Variants in SIPA1L2 observed in about 807,000 individuals in gnomAD.
The protein encoded by SIPA1L2 is signal induced proliferation associated 1 like 2, also known as signal-induced proliferation-associated 1-like protein 2.
Under a neutral mutation model 163.9 loss-of-function variants are expected in SIPA1L2, and 56 were observed. The observed-to-expected ratio is 0.34, with a 90% CI of 0.28 to 0.43. The LOEUF (loss-of-function observed/expected upper bound fraction) is 0.43. Ranked by LOEUF, SIPA1L2 falls within the 20% of genes least tolerant of loss-of-function variation. SIPA1L2 has a pLI of 1.00. For missense variants in SIPA1L2, 1,974 were observed against 2,193.5 expected, an observed-to-expected ratio of 0.90 and a Z score of 2.00; for synonymous variants, 877 against 865.7, an observed-to-expected ratio of 1.01 and a Z score of -0.23.
At chr1:232,484,416 A>G (rs1665541814) in intron 5 of SIPA1L2, among the ~76,000 whole-genome samples, 1 of 152,194 alleles carries the variant, frequency 6.6e-6, no homozygotes. Flanking sequence ...AATTTTATAT[A>G]TTTCTTGTAA....
At chr1:232,471,300 G>T in intron 8 of SIPA1L2, 71 bp downstream of exon 8, 2 of 1,483,760 alleles carry the variant, frequency 1.3e-6, no homozygotes, top group Non-Finnish European at 1.8e-6. Flanking sequence ...GGCAAACAAA[G>T]ATATTTTTGG....
intron 2 of SIPA1L2, among the ~76,000 whole-genome samples, chr1:232,540,599 A>G (rs1319573599): frequency 1.3e-5 from 2 of 152,124 alleles, no homozygotes; most frequent in Admixed American, 6.5e-5. Flanking sequence ...AATTTCCATA[A>G]GTGTTAGAGG....
rs773246161 is a variant in SIPA1L2 at position 232,514,903 on chromosome 1, A to G, written c.437T>C (p.Val146Ala). 5.0e-6 allele frequency: 8 copies of G among 1,614,014 alleles called. No individual in the cohort carries two copies. In the South Asian group the frequency reaches 7.7e-5, roughly 16 times the overall value. The change falls in exon 3 of 23, where the codon GTC (valine) becomes GCC (alanine). Residue 146 changes from valine to alanine, a missense_variant. Around this residue, in one of 3 missense-constraint regions of SIPA1L2, gnomAD observed 607 missense variants for 624.0 expected, o/e 0.97. Transcript: ENST00000674635. ...GTGAAGTCCTCTTTGGGGGGAATGGACAAAGATGTCTCCGATTGTGTACTT... is the reference window on the plus strand; with the variant it reads ...GTGAAGTCCTCTTTGGGGGGAATGGGCAAAGATGTCTCCGATTGTGTACTT... ...EAKYTIGDIF[V>A]HSPQRGLHPI...
intron 1 of SIPA1L2, among the ~76,000 whole-genome samples, chr1:232,613,293 G>T (rs976666677): frequency 6.6e-6 from 1 of 152,108 alleles, no homozygotes; most frequent in Admixed American, 6.5e-5. Context: ...TTTTTCAATG[G>T]ACTTCACAAT....
At chr1:232,467,875 T>C (rs76234026) in intron 8 of SIPA1L2, among the ~76,000 whole-genome samples, 44 of 152,338 alleles carry the variant, frequency 2.9e-4, no homozygotes, top group African/African-American at 1.0e-3. Context: ...TGGTGTCACA[T>C]AGTAAATAAG....
Position 232,464,821 on chromosome 1 carries a change from A to G in SIPA1L2, c.2820+19T>C, listed in dbSNP as rs774344570. On this transcript the variant is annotated intron_variant, in intron 9 of 22. Coordinates refer to ENST00000674635, the MANE Select transcript of SIPA1L2 (RefSeq NM_020808.5). ...TTGAAAACATAAGGATGGCGGGAAA[A>G]TAGAAAACATGTACTTACTACTAAT... 6.5e-7 allele frequency: 1 copy of G among 1,540,252 alleles called. No individual in the cohort carries two copies. Among genetic ancestry groups the G allele is most frequent in the Non-Finnish European group, 8.7e-7 (1 of 1,143,864 alleles).
At chr1:232,479,596 C>A in intron 7 of SIPA1L2, 31 bp downstream of exon 7, 1 of 1,564,124 alleles carries the variant, frequency 6.4e-7, no homozygotes, top group Non-Finnish European at 8.8e-7. Context: ...TCATACTCAG[C>A]GTAAAAAGCT....
At chr1:232,407,942 T>A (rs1273085323) in intron 19 of SIPA1L2, among the ~76,000 whole-genome samples, 1 of 152,160 alleles carries the variant, frequency 6.6e-6, no homozygotes, top group Non-Finnish European at 1.5e-5. Context: ...ATAGCCAGGT[T>A]TTCTGGTCGG....
At chr1:232,589,074 A>G (rs1660832055) in intron 1 of SIPA1L2, among the ~76,000 whole-genome samples, 3 of 152,244 alleles carry the variant, frequency 2.0e-5, no homozygotes, top group Admixed American at 2.0e-4. Context: ...TATCTGAAAG[A>G]AACATTTAGG....
chr1:232,439,025 A>G, intron 15 of SIPA1L2, 83 bp downstream of exon 15: 1 of 1,424,764 alleles, frequency 7.0e-7, no homozygotes, highest in Non-Finnish European at 9.3e-7. Flanking sequence ...CCTACTGCTT[A>G]CAGTTCAGGC....
intron 18 of SIPA1L2, among the ~76,000 whole-genome samples, chr1:232,417,818 T>C (rs1231527495): frequency 6.6e-6 from 1 of 152,232 alleles, no homozygotes; most frequent in African/African-American, 2.4e-5. Flanking sequence ...CAATTACTTT[T>C]GTCACTGATT....
chr1:232,581,683 T>C (rs1212650880), intron 1 of SIPA1L2, among the ~76,000 whole-genome samples: 1 of 152,158 alleles, frequency 6.6e-6, no homozygotes, highest in Non-Finnish European at 1.5e-5. Flanking sequence ...AATAATTCCT[T>C]AATATGGCCC....
chr1:232,447,669 C>T (rs1663297935), intron 10 of SIPA1L2, among the ~76,000 whole-genome samples: 1 of 152,230 alleles, frequency 6.6e-6, no homozygotes, highest in Non-Finnish European at 1.5e-5. Context: ...CAGTATGATC[C>T]AATATTCATG....
Position 232,630,086 on chromosome 1 carries a change from G to C in SIPA1L2, c.-536C>G. Among the ~76,000 whole-genome samples, 1 of 150,532 alleles carries C rather than the reference G, an allele frequency of 6.6e-6. No individual in the cohort carries two copies. The highest frequency in any genetic ancestry group is 1.5e-5 in the Non-Finnish European group (1 of 67,402). On this transcript the variant is annotated 5_prime_UTR_variant, in exon 1 of 23. Coordinates refer to ENST00000674635, the MANE Select transcript of SIPA1L2 (RefSeq NM_020808.5). ...GGCGGGGGCGCGGTGCTCCTCCTCC[G>C]TCCTCCTCCTCCTCTCGCTCCGCCA...
In SIPA1L2 at chr1:232,584,899, G is replaced by C. The variant is rs76657347; in HGVS notation, c.-318-10677C>G. Among the ~76,000 whole-genome samples the C allele has an allele frequency of 8.1e-3, 1,228 of 152,322 alleles. 17 individuals carry two copies. Among genetic ancestry groups the C allele is most frequent in the African/African-American group, 0.028 (1,168 of 41,572 alleles). The stretch of plus-strand genomic sequence containing the variant: ...AAGAGAATAAATAAATCCATCATTA[G>C]AAGGTTATATAACTATGTTGCCATC... On this transcript the variant is annotated intron_variant, in intron 1 of 22. Transcript: ENST00000674635.
At position 232,432,309 on chromosome 1, in the gene SIPA1L2, G is replaced by A. The variant is rs755604550; in HGVS notation, c.4194C>T (p.Ile1398=). 15 of 1,614,132 alleles carry A rather than the reference G, an allele frequency of 9.3e-6. No individual in the cohort carries two copies. The highest frequency in any genetic ancestry group is 2.2e-5 in the East Asian group (1 of 44,878). The change falls in exon 16 of 23, where the codon ATC becomes ATT. Residue 1398 remains isoleucine, a synonymous_variant. Transcript: ENST00000674635. Reference sequence around the variant, plus strand: ...GGCTGCCCTCCGATTTCTTCCAGCCGATGACATATTTGTTCACTGCCCCTT... The same window carrying A: ...GGCTGCCCTCCGATTTCTTCCAGCCAATGACATATTTGTTCACTGCCCCTT... ...HRQGAVNKYV[I]GWKKSEGSPP... is the part of the protein sequence containing the mutation.
At chr1:232,589,392 T>C (rs1660850606) in intron 1 of SIPA1L2, among the ~76,000 whole-genome samples, 1 of 152,214 alleles carries the variant, frequency 6.6e-6, no homozygotes, top group Non-Finnish European at 1.5e-5. Context: ...CCAAATCCAC[T>C]AACATTCACT....
intron 9 of SIPA1L2, chr1:232,462,087 G>C (rs1664267171): frequency 5.8e-6 from 5 of 855,656 alleles, no homozygotes; most frequent in Non-Finnish European, 9.7e-6. Context: ...AAGAGTGAGA[G>C]AGAGTCAACA....
intron 19 of SIPA1L2, among the ~76,000 whole-genome samples, chr1:232,406,507 G>C (rs931270395): frequency 1.3e-5 from 2 of 152,192 alleles, no homozygotes; most frequent in Admixed American, 1.3e-4. Flanking sequence ...CCATATCCTA[G>C]AGCCAAGATG....
Sources: allele counts gnomAD v4.1 joint callset (sites outside exome capture counted in the v4.1 genomes callset), GRCh38; gene constraint gnomAD v4.1.1; regional missense constraint gnomAD v4.1.1; transcripts MANE v1.5; gene names NCBI Gene and HGNC (gene_info 2026-07-23, HGNC 2026-07-21).